Variants in PHACTR3 observed in about 807,000 individuals in gnomAD.
The protein encoded by PHACTR3 is protein phosphatase 1, regulatory subunit 123.
PHACTR3 carries 16 observed loss-of-function variants against 66.8 expected under a neutral mutation model. The observed-to-expected ratio is 0.24, with a 90% CI of 0.16 to 0.36. The LOEUF (loss-of-function observed/expected upper bound fraction) is 0.36. PHACTR3 is among the 10% of genes least tolerant of loss of function. The pLI is 1.00. For synonymous variants in PHACTR3, 323 were observed against 292.1 expected (o/e 1.11, Z -1.08); for missense variants, 647 against 719.9 (o/e 0.90, Z 1.16).
intron 4 of PHACTR3, among the ~76,000 whole-genome samples, chr20:59,760,429 A>G (rs973383213): frequency 1.3e-5 from 2 of 151,904 alleles, no homozygotes. Context: ...GGTGGGAGGG[A>G]CCTGGTGGGA....
chr20:59,587,469 A>C (rs2033066761), intron 1 of PHACTR3, among the ~76,000 whole-genome samples: 1 of 152,192 alleles, frequency 6.6e-6, no homozygotes, highest in Non-Finnish European at 1.5e-5. Flanking sequence ...GCTGGTCAGG[A>C]GGATCACAGG....
intron 7 of PHACTR3, among the ~76,000 whole-genome samples, chr20:59,781,746 G>A (rs557432527): frequency 6.6e-6 from 1 of 152,152 alleles, no homozygotes; most frequent in African/African-American, 2.4e-5. Context: ...GAGTGACTAT[G>A]TACATATTAA....
At chr20:59,725,688 G>A (rs1455795853) in intron 1 of PHACTR3, among the ~76,000 whole-genome samples, 1 of 152,194 alleles carries the variant, frequency 6.6e-6, no homozygotes, top group Non-Finnish European at 1.5e-5. Context: ...GGTAGTATCA[G>A]GCACAGCTGT....
At chr20:59,835,897 C>A (rs2042511593) in intron 8 of PHACTR3, 1 of 152,308 alleles carries the variant, frequency 6.6e-6, no homozygotes, top group South Asian at 2.1e-4. Flanking sequence ...AGCTGGGCTG[C>A]ATGCTTGCTG....
intron 11 of PHACTR3, 89 bp from the exon 12 acceptor site, chr20:59,845,100 G>A (rs1284947297): frequency 9.7e-6 from 8 of 827,566 alleles, no homozygotes; most frequent in African/African-American, 7.0e-5. Context: ...GAGTCAACAA[G>A]GATTAGGAAT....
intron 1 of PHACTR3, among the ~76,000 whole-genome samples, chr20:59,641,714 T>G (rs2035108112): frequency 6.6e-6 from 1 of 152,206 alleles, no homozygotes; most frequent in Non-Finnish European, 1.5e-5. Context: ...AACCATCCCA[T>G]GCATATCTAT....
chr20:59,817,245 T>C (rs1016743658), intron 8 of PHACTR3, among the ~76,000 whole-genome samples: 1 of 152,258 alleles, frequency 6.6e-6, no homozygotes, highest in Non-Finnish European at 1.5e-5. Flanking sequence ...TCAGTGGCCA[T>C]TGCCAATTTT....
intron 1 of PHACTR3, among the ~76,000 whole-genome samples, chr20:59,588,859 G>C (rs970507189): frequency 6.6e-6 from 1 of 152,244 alleles, no homozygotes; most frequent in Admixed American, 6.5e-5. Context: ...CACTCCTCCA[G>C]CCTGGCAAGT....
chr20:59,682,518 G>A (rs1848004021), intron 1 of PHACTR3, among the ~76,000 whole-genome samples: 2 of 152,186 alleles, frequency 1.3e-5, no homozygotes, highest in African/African-American at 4.8e-5. Flanking sequence ...CCTATAACCA[G>A]TAGGGGATCG....
chr20:59,583,697 C>T (rs1046644518), intron 1 of PHACTR3, among the ~76,000 whole-genome samples: 37 of 152,344 alleles, frequency 2.4e-4, no homozygotes, highest in Admixed American at 6.5e-4. Context: ...CGGTACACTT[C>T]CCTTGCATAG....
At chr20:59,595,139 C>G (rs928053579) in intron 1 of PHACTR3, among the ~76,000 whole-genome samples, 4 of 152,120 alleles carry the variant, frequency 2.6e-5, no homozygotes, top group Non-Finnish European at 5.9e-5. Flanking sequence ...TCACTGTGGC[C>G]TGAGAGCAGA....
rs142212226 is a variant in PHACTR3 at position 59,738,651 on chromosome 20, G to T, written c.119-4456G>T. On this transcript the variant is annotated intron_variant, in intron 1 of 12. Transcript: ENST00000371015. The surrounding 1 kb of genome is among the most constrained non-coding windows in gnomAD (Gnocchi z 4.4). ...GGAGCCCGTGTGGTGTCTGTCGTGGGGACCCACCTAACTCCTTGATGCTGT... is the reference window on the plus strand; with the variant it reads ...GGAGCCCGTGTGGTGTCTGTCGTGGTGACCCACCTAACTCCTTGATGCTGT... 6.6e-6 allele frequency among the ~76,000 whole-genome samples: 1 copy of T among 152,108 alleles called. No individual in the cohort carries two copies. Among genetic ancestry groups the T allele is most frequent in the Non-Finnish European group, 1.5e-5 (1 of 68,016 alleles).
rs562188246 is a variant in PHACTR3, at chr20:59,806,339, G to A, written c.1328+145G>A. On this transcript the variant is annotated intron_variant, in intron 8 of 12. Coordinates refer to ENST00000371015, the MANE Select transcript of PHACTR3 (RefSeq NM_080672.5). The stretch of plus-strand genomic sequence containing the variant: ...GTCTCTTGACCCCGCCACCGTTGAC[G>A]TTTGGGGCCGTGTGGAGGCCCTTTC... 6.7e-5 allele frequency: 69 copies of A among 1,029,522 alleles called. No homozygotes were observed. In the South Asian group the frequency reaches 7.3e-4, roughly 11 times the overall value. The allele number at this position is 1,029,522 out of a possible 1,614,324, so 63.8% of individuals were successfully genotyped here. A position where few individuals can be genotyped will look rare whatever the true frequency, so the allele number is the denominator to read the frequency against.
chr20:59,728,951 G>A (rs1371481913), intron 1 of PHACTR3, among the ~76,000 whole-genome samples: 1 of 152,156 alleles, frequency 6.6e-6, no homozygotes, highest in Non-Finnish European at 1.5e-5. Flanking sequence ...TGAAACCCAA[G>A]TGATAAGAAG....
At chr20:59,675,140 T>G (rs1261642441) in intron 1 of PHACTR3, among the ~76,000 whole-genome samples, 1 of 58,826 alleles carries the variant, frequency 1.7e-5, no homozygotes, top group Non-Finnish European at 3.1e-5. Context: ...CCCCTCTCCC[T>G]CCCTATTCTT....
chr20:59,737,480 G>A (rs1443665491), intron 1 of PHACTR3, among the ~76,000 whole-genome samples: 1 of 151,800 alleles, frequency 6.6e-6, no homozygotes, highest in Non-Finnish European at 1.5e-5. Context: ...GAGTGTGTGC[G>A]TGCATGTGCG....
intron 7 of PHACTR3, among the ~76,000 whole-genome samples, chr20:59,804,648 A>C (rs1437903626): frequency 6.6e-6 from 1 of 152,224 alleles, no homozygotes; most frequent in Non-Finnish European, 1.5e-5. Context: ...ACAAGACTGC[A>C]GTCATTTATA....
At position 59,830,158 on chromosome 20, in the gene PHACTR3, G is replaced by A. The variant is rs1298725823; in HGVS notation, c.1329-6347G>A. 6.6e-6 allele frequency among the ~76,000 whole-genome samples: 1 copy of A among 151,268 alleles called. No homozygotes were observed. The highest frequency in any genetic ancestry group is 1.5e-5 in the Non-Finnish European group (1 of 68,022). ...GGCTATGACAGACAGGAGCATGTGC[G>A]TGTCTGGTGGAAGAGGGTGTGCGTG... On this transcript the variant is annotated intron_variant, in intron 8 of 12. Coordinates refer to ENST00000371015, the MANE Select transcript of PHACTR3 (RefSeq NM_080672.5). The surrounding 1 kb of genome is among the most constrained non-coding windows in gnomAD (Gnocchi z 5.8).
chr20:59,707,457 CTTTTTTT>C (rs34134572), intron 1 of PHACTR3, among the ~76,000 whole-genome samples: 2 of 100,376 alleles, frequency 2.0e-5, no homozygotes, highest in East Asian at 3.0e-4. Context: ...TGCTCCCACT[CTTTTTTT>C]TTTTTTTTTT....
Sources: gnomAD v4.1 joint callset for allele counts (sites outside exome capture counted in the v4.1 genomes callset) on GRCh38, gnomAD v4.1.1 for gene constraint, Gnocchi (gnomAD v3.1) non-coding constraint, MANE v1.5 for transcripts, NCBI Gene and HGNC (gene_info 2026-07-23, HGNC 2026-07-21) for gene names.